Variants in AGMO observed in about 807,000 individuals in gnomAD.
The protein encoded by AGMO is alkylglycerol monooxygenase.
In AGMO, 75 loss-of-function variants were observed where a neutral mutation model predicts 60.2. That is an observed-to-expected ratio of 1.25 (90% CI 1.03 to 1.51). AGMO has a LOEUF of 1.51. Ranked by LOEUF, AGMO falls within the 40% of genes most tolerant of loss-of-function variation. The pLI is 0.00. For synonymous variants in AGMO, 261 were observed against 177.1 expected, an observed-to-expected ratio of 1.47 and a Z score of -3.76; for missense variants, 763 against 525.5, an observed-to-expected ratio of 1.45 and a Z score of -4.42.
At chr7:15,394,077 A>C (rs1195166085) in intron 6 of AGMO, 36 bp downstream of exon 6, 2 of 1,483,418 alleles carry the variant, frequency 1.3e-6, no homozygotes, top group Admixed American at 1.7e-5. Context: ...TTTTTAGAGA[A>C]ATGAAGAAAA....
At chr7:15,376,968 A>G (rs1010378694) in intron 10 of AGMO, among the ~76,000 whole-genome samples, 8 of 152,130 alleles carry the variant, frequency 5.3e-5, no homozygotes, top group African/African-American at 1.9e-4. Context: ...TTTATATAGA[A>G]CTTGCATACA....
At chr7:15,345,743 T>C (rs1320362737) in intron 12 of AGMO, among the ~76,000 whole-genome samples, 1 of 152,166 alleles carries the variant, frequency 6.6e-6, no homozygotes, top group Non-Finnish European at 1.5e-5. Flanking sequence ...TCAACATTAT[T>C]ATCTGCAGAA....
intron 3 of AGMO, among the ~76,000 whole-genome samples, chr7:15,523,478 T>C (rs528157801): frequency 6.6e-6 from 1 of 152,330 alleles, no homozygotes; most frequent in South Asian, 2.1e-4. Context: ...GTGGCACATA[T>C]ACACCATGGA....
chr7:15,488,280 C>T (rs577255148), intron 3 of AGMO, among the ~76,000 whole-genome samples: 1 of 152,262 alleles, frequency 6.6e-6, no homozygotes, highest in Admixed American at 6.5e-5. Context: ...AGTTTGTTGG[C>T]AAAATTCTTT....
chr7:15,523,491 A>G (rs1784052973), intron 3 of AGMO, among the ~76,000 whole-genome samples: 1 of 152,230 alleles, frequency 6.6e-6, no homozygotes, highest in Non-Finnish European at 1.5e-5. Context: ...ACCATGGAAT[A>G]CTATGCAGTC....
At chr7:15,254,844 T>C (rs1282129238) in intron 12 of AGMO, among the ~76,000 whole-genome samples, 1 of 151,680 alleles carries the variant, frequency 6.6e-6, no homozygotes, top group Non-Finnish European at 1.5e-5. Flanking sequence ...CTATAAACAA[T>C]TTATAACAAC....
chr7:15,236,400 G>A (rs1782420309), intron 12 of AGMO, among the ~76,000 whole-genome samples: 1 of 152,176 alleles, frequency 6.6e-6, no homozygotes, highest in African/African-American at 2.4e-5. Context: ...TAATGATTAT[G>A]TGTTTATTAA....
intron 2 of AGMO, 27 bp downstream of exon 2, chr7:15,560,114 C>T (rs751255801): frequency 1.0e-5 from 16 of 1,559,510 alleles, no homozygotes; most frequent in Admixed American, 5.4e-5. Context: ...AGTTTTTATG[C>T]TCAGCGTTGT....
chr7:15,123,023 T>C, the AGMO span, among the ~76,000 whole-genome samples: 3 of 152,134 alleles, frequency 2.0e-5, no homozygotes, highest in Non-Finnish European at 4.4e-5. Flanking sequence ...CCTGTCATGC[T>C]TTCTTTTCTT....
chr7:15,174,170 T>A, the AGMO span, among the ~76,000 whole-genome samples: 2 of 151,856 alleles, frequency 1.3e-5, no homozygotes, highest in African/African-American at 2.4e-5. Context: ...TATTAATATA[T>A]CCCCCAAATA....
At chr7:15,295,455 A>G (rs1784383133) in intron 12 of AGMO, among the ~76,000 whole-genome samples, 1 of 152,086 alleles carries the variant, frequency 6.6e-6, no homozygotes, top group Non-Finnish European at 1.5e-5. Context: ...TTAGAATACA[A>G]TAATTGCTAT....
At chr7:15,132,154 A>G in the AGMO span, among the ~76,000 whole-genome samples, 1 of 152,158 alleles carries the variant, frequency 6.6e-6, no homozygotes, top group African/African-American at 2.4e-5. Flanking sequence ...AGGACATCAA[A>G]TGAAAATTAC....
intron 12 of AGMO, among the ~76,000 whole-genome samples, chr7:15,251,852 A>G (rs1456674815): frequency 1.3e-5 from 2 of 152,188 alleles, no homozygotes; most frequent in Non-Finnish European, 2.9e-5. Context: ...GCCTTTAATA[A>G]TTCCATAGGC....
At position 15,325,175 on chromosome 7, in the gene AGMO, T is replaced by C. The variant is rs546746039; in HGVS notation, c.1263+40339A>G. Among the ~76,000 whole-genome samples the C allele has an allele frequency of 6.6e-5, 10 of 152,280 alleles. No homozygotes were observed. The South Asian group carries it at 1.9e-3, about 28-fold the overall frequency. On this transcript the variant is annotated intron_variant, in intron 12 of 12. Coordinates refer to ENST00000342526, the MANE Select transcript of AGMO (RefSeq NM_001004320.2). ...TTTTGAGAAATATATACTGGATAGA[T>C]AGATTTAGTTTCATGCAGTCATGTT...
chr7:15,277,296 C>T (rs1783826106), intron 12 of AGMO, among the ~76,000 whole-genome samples: 2 of 149,884 alleles, frequency 1.3e-5, no homozygotes, highest in East Asian at 2.0e-4. Flanking sequence ...CAGAGCAAGA[C>T]TCTGTCTCAA....
intron 4 of AGMO, among the ~76,000 whole-genome samples, chr7:15,422,800 C>T (rs1027682827): frequency 2.0e-5 from 3 of 152,062 alleles, no homozygotes; most frequent in African/African-American, 7.2e-5. Flanking sequence ...CAGCACTCAG[C>T]AATCTGGATG....
intron 3 of AGMO, among the ~76,000 whole-genome samples, chr7:15,497,250 A>G (rs963327388): frequency 3.9e-5 from 6 of 152,028 alleles, no homozygotes; most frequent in African/African-American, 1.4e-4. Context: ...TAGGTTATAT[A>G]TTTTGGTAAG....
chr7:15,476,700 C>G (rs983978591), intron 3 of AGMO, among the ~76,000 whole-genome samples: 11 of 151,942 alleles, frequency 7.2e-5, no homozygotes, highest in African/African-American at 2.7e-4. Context: ...GAAAGTTGTT[C>G]GTTAGATTAT....
chr7:15,388,824 A>T (rs1304461238), intron 8 of AGMO, among the ~76,000 whole-genome samples: 1 of 152,236 alleles, frequency 6.6e-6, no homozygotes, highest in Non-Finnish European at 1.5e-5. Context: ...TAATTATCAC[A>T]ACTTGCCGGC....
Sources: gnomAD v4.1 joint callset for allele counts (sites outside exome capture counted in the v4.1 genomes callset) on GRCh38, gnomAD v4.1.1 for gene constraint, MANE v1.5 for transcripts, NCBI Gene and HGNC (gene_info 2026-07-23, HGNC 2026-07-21) for gene names.